CBR4: variants seen among roughly 807,000 people sequenced by gnomAD.
CBR4 encodes carbonyl reductase 4, also known as 3-oxoacyl-[acyl-carrier-protein] reductase.
Under a neutral mutation model 21.0 loss-of-function variants are expected in CBR4, and 22 were observed. The ratio of observed to expected loss-of-function variants is 1.05; its 90% confidence interval spans 0.75 to 1.50. CBR4 has a LOEUF of 1.50. CBR4 is among the 40% of genes most tolerant of loss of function. The pLI is 0.00. For missense variants in CBR4, 302 were observed against 286.3 expected (o/e 1.05, Z -0.40); for synonymous variants, 100 against 104.4 (o/e 0.96, Z 0.26).
intron 2 of CBR4, among the ~76,000 whole-genome samples, chr4:168,895,584 T>G (rs12510322): frequency 0.53 from 79,932 of 152,078 alleles, 24,475 homozygotes; most frequent in East Asian, 0.88. Context: ...GAATAGAAGA[T>G]ACATTTACAA....
At chr4:169,004,992 A>AT (rs1257627284) in intron 3 of CBR4, among the ~76,000 whole-genome samples, 4 of 152,190 alleles carry the variant, frequency 2.6e-5, no homozygotes, top group Non-Finnish European at 5.9e-5. Flanking sequence ...ACCTCACAAA[A>AT]TTTTTTTAAA....
chr4:169,004,678 C>T (rs951163166), intron 3 of CBR4, among the ~76,000 whole-genome samples: 2 of 152,182 alleles, frequency 1.3e-5, no homozygotes, highest in African/African-American at 2.4e-5. Flanking sequence ...TTGACATATT[C>T]GCTTTATTCC....
chr4:168,961,304 C>A (rs1402767536), intron 2 of CBR4, among the ~76,000 whole-genome samples: 2 of 152,106 alleles, frequency 1.3e-5, no homozygotes, highest in South Asian at 2.1e-4. Flanking sequence ...AATCTTATGT[C>A]TTTTCTACAT....
chr4:168,970,997 G>A (rs1764190407), intron 2 of CBR4, among the ~76,000 whole-genome samples: 1 of 152,150 alleles, frequency 6.6e-6, no homozygotes, highest in Non-Finnish European at 1.5e-5. Context: ...ATACCCAGGA[G>A]CGGGATTGCT....
At chr4:168,999,936 T>G (rs1384043300) in intron 4 of CBR4, among the ~76,000 whole-genome samples, 1 of 152,190 alleles carries the variant, frequency 6.6e-6, no homozygotes, top group African/African-American at 2.4e-5. Context: ...CAGAAATATC[T>G]TATTCATTCC....
chr4:168,896,636 CTCTGTG>C, intron 2 of CBR4: 1 of 1,208,510 alleles, frequency 8.3e-7, no homozygotes, highest in Middle Eastern at 1.9e-4. Flanking sequence ...TCCAGTCTTT[CTCTGTG>C]TCTGTTTTCT....
In CBR4 at chr4:168,921,582, C is replaced by T. The variant is rs1176026649; in HGVS notation, n.170-26817G>A. On this transcript the variant is annotated intron_variant and non_coding_transcript_variant, in intron 2 of 3. Transcript: ENST00000509108. Reference sequence around the variant, plus strand: ...TCTAAGCTGGCAACTAGATGGAAAGCCCGTACGCCCTGACAGTGCTCACAA... The same window carrying T: ...TCTAAGCTGGCAACTAGATGGAAAGTCCGTACGCCCTGACAGTGCTCACAA... 2 of 1,608,954 alleles carry T rather than the reference C, an allele frequency of 1.2e-6. No homozygotes were observed. The highest frequency in any genetic ancestry group is 1.4e-5 in the African/African-American group (1 of 73,202).
chr4:169,007,019 C>T, intron 2 of CBR4, 128 bp from the exon 3 acceptor site: 1 of 660,216 alleles, frequency 1.5e-6, no homozygotes. Flanking sequence ...AGCTAGAATA[C>T]CTAGAGTCCC....
intron 2 of CBR4, among the ~76,000 whole-genome samples, chr4:168,944,882 A>G (rs1220478536): frequency 1.3e-5 from 2 of 152,204 alleles, no homozygotes; most frequent in African/African-American, 4.8e-5. Flanking sequence ...AACCAGAAAT[A>G]TCAATCATAA....
rs1755664691 is a variant in CBR4, at chr4:168,898,191, T to G, written n.170-3426A>C. On this transcript the variant is annotated intron_variant and non_coding_transcript_variant, in intron 2 of 3. Transcript: ENST00000509108. Reference sequence around the variant, plus strand: ...ACAGTTTAGGAATACATAGCTTTGCTTTTGCCTTTTTCTTTCCTTCCCCTT... The same window carrying G: ...ACAGTTTAGGAATACATAGCTTTGCGTTTGCCTTTTTCTTTCCTTCCCCTT... 1.2e-5 allele frequency: 5 copies of G among 427,914 alleles called. No individual in the cohort carries two copies. In the Admixed American group the frequency reaches 1.8e-4, roughly 15 times the overall value. 26.5% of individuals were successfully genotyped at this position (427,914 alleles called of 1,614,324 possible).
intron 2 of CBR4, among the ~76,000 whole-genome samples, chr4:168,969,999 T>C (rs936294237): frequency 2.6e-5 from 4 of 152,252 alleles, no homozygotes; most frequent in Admixed American, 2.0e-4. Context: ...TGCATATCTC[T>C]AGTGTGAACA....
rs1730508859 is a variant in CBR4, at chr4:169,002,212, C to CAAAAAAGA, written c.401-8_401-7insTCTTTTTT. ...TTTAAGCCAACAATGCTTCCTAGGA[C>CAAAAAAGA]AAAAAAAAAAAAAAAAAAAAAAAAA... is the stretch of plus-strand genomic sequence containing the variant. On this transcript the variant is annotated splice_region_variant and splice_polypyrimidine_tract_variant and intron_variant, in intron 3 of 4. Transcript: ENST00000306193. 1 of 737,132 alleles carries CAAAAAAGA rather than the reference C, an allele frequency of 1.4e-6. No individual in the cohort carries two copies. Among genetic ancestry groups the CAAAAAAGA allele is most frequent in the African/African-American group, 3.0e-5 (1 of 32,994 alleles). The allele number at this position is 737,132 out of a possible 1,614,324, so 45.7% of individuals were successfully genotyped here.
intron 2 of CBR4, among the ~76,000 whole-genome samples, chr4:168,964,882 G>A (rs1763973640): frequency 6.6e-6 from 1 of 152,018 alleles, no homozygotes; most frequent in South Asian, 2.1e-4. Flanking sequence ...ATATTTCATT[G>A]GTCAGCTTTC....
chr4:169,007,558 C>T (rs998102736), intron 2 of CBR4, 78 bp downstream of exon 2: 21 of 876,830 alleles, frequency 2.4e-5, no homozygotes, highest in Non-Finnish European at 3.3e-5. Context: ...AACATATTAA[C>T]TTATACCAAT....
intron 2 of CBR4, among the ~76,000 whole-genome samples, chr4:168,978,359 G>A (rs1490353509): frequency 1.3e-5 from 2 of 152,170 alleles, no homozygotes; most frequent in African/African-American, 2.4e-5. Context: ...AGTGTGTGCT[G>A]CTCTCACAGA....
intron 2 of CBR4, among the ~76,000 whole-genome samples, chr4:168,942,231 TG>T (rs1226396804): frequency 7.7e-6 from 1 of 129,750 alleles, no homozygotes; most frequent in Admixed American, 8.2e-5. Context: ...CAGGGCCTGT[TG>T]GGGGGTGGGG....
chr4:168,965,139 G>A (rs201797299), intron 2 of CBR4, among the ~76,000 whole-genome samples: 1 of 151,270 alleles, frequency 6.6e-6, no homozygotes, highest in African/African-American at 2.4e-5. Context: ...CAAATCATGA[G>A]TGAACTCCCA....
chr4:168,918,354 A>T (rs1273043332), intron 2 of CBR4, among the ~76,000 whole-genome samples: 3 of 151,950 alleles, frequency 2.0e-5, no homozygotes, highest in Non-Finnish European at 2.9e-5. Context: ...ACATACACAC[A>T]CAGTGGAAAA....
intron 4 of CBR4, among the ~76,000 whole-genome samples, chr4:169,000,912 T>G (rs1048817322): frequency 1.3e-5 from 2 of 152,024 alleles, no homozygotes; most frequent in Non-Finnish European, 2.9e-5. Flanking sequence ...CAGACCATAG[T>G]AGTAAAAGGA....
Sources: gnomAD v4.1 joint callset for allele counts (sites outside exome capture counted in the v4.1 genomes callset) on GRCh38, gnomAD v4.1.1 for gene constraint, MANE v1.5 for transcripts, NCBI Gene and HGNC (gene_info 2026-07-23, HGNC 2026-07-21) for gene names.